TEX9: variants seen among roughly 807,000 people sequenced by gnomAD.
TEX9 encodes testis-expressed protein 9.
A neutral mutation model predicts 59.6 loss-of-function variants in TEX9; 74 were observed. The ratio of observed to expected loss-of-function variants is 1.24; its 90% CI spans 1.03 to 1.51. TEX9 has a LOEUF of 1.51. TEX9 is among the 40% of genes most tolerant of loss of function. The pLI is 0.00. For synonymous variants in TEX9, 186 were observed against 152.2 expected, an observed-to-expected ratio of 1.22 and a Z score of -1.64; for missense variants, 522 against 447.8, an observed-to-expected ratio of 1.17 and a Z score of -1.49.
At chr15:56,391,020 T>TGTAATATG (rs2048184222) in intron 6 of TEX9, among the ~76,000 whole-genome samples, 1 of 152,094 alleles carries the variant, frequency 6.6e-6, no homozygotes, top group East Asian at 1.9e-4. Context: ...AATATAGTCC[T>TGTAATATG]TGAAAGTATC....
chr15:56,343,267 C>G (rs1044648511), intron 1 of TEX9, among the ~76,000 whole-genome samples: 4 of 151,912 alleles, frequency 2.6e-5, no homozygotes, highest in Non-Finnish European at 5.9e-5. Context: ...AAATTGTTAG[C>G]CTTAAATATA....
the TEX9 span, chr15:56,456,491 G>T: frequency 6.2e-7 from 1 of 1,611,172 alleles, no homozygotes; most frequent in African/African-American, 1.3e-5. Context: ...TGTTTGAGCT[G>T]GAGTTCTTTC....
intron 6 of TEX9, among the ~76,000 whole-genome samples, chr15:56,390,972 A>T (rs1190418145): frequency 1.3e-5 from 2 of 152,108 alleles, no homozygotes; most frequent in African/African-American, 2.4e-5. Context: ...CTGTGGTCAC[A>T]TGATTCATAA....
At chr15:56,402,953 T>G (rs946233773) in intron 9 of TEX9, among the ~76,000 whole-genome samples, 1 of 152,112 alleles carries the variant, frequency 6.6e-6, no homozygotes, top group Non-Finnish European at 1.5e-5. Context: ...GCTAAAAACT[T>G]TCAATAAACT....
At chr15:56,367,672 T>A (rs1264581595) in intron 2 of TEX9, among the ~76,000 whole-genome samples, 1 of 152,238 alleles carries the variant, frequency 6.6e-6, no homozygotes, top group Non-Finnish European at 1.5e-5. Context: ...TTTATGCTAT[T>A]GAATTTTCCA....
At chr15:56,261,102 A>G (rs2044254833) in intron 1 of TEX9, among the ~76,000 whole-genome samples, 2 of 151,768 alleles carry the variant, frequency 1.3e-5, no homozygotes, top group Admixed American at 1.3e-4. Context: ...GATATTAGTA[A>G]TTTATACTTT....
intron 1 of TEX9, among the ~76,000 whole-genome samples, chr15:56,324,257 A>G (rs564837968): frequency 1.8e-4 from 28 of 152,320 alleles, no homozygotes; most frequent in Admixed American, 3.9e-4. Flanking sequence ...TCCGTTAAAA[A>G]AAAAGAAACA....
At chr15:56,292,435 G>C (rs1222754170) in intron 1 of TEX9, among the ~76,000 whole-genome samples, 1 of 152,100 alleles carries the variant, frequency 6.6e-6, no homozygotes, top group Non-Finnish European at 1.5e-5. Flanking sequence ...GATCCCCTAG[G>C]ACATCTCTGA....
intron 1 of TEX9, among the ~76,000 whole-genome samples, chr15:56,327,491 C>T (rs2046043836): frequency 6.6e-6 from 1 of 151,904 alleles, no homozygotes; most frequent in African/African-American, 2.4e-5. Context: ...CACAGGAACA[C>T]CAAATGTAAC....
intron 2 of TEX9, among the ~76,000 whole-genome samples, chr15:56,372,031 C>G (rs1049938439): frequency 1.3e-5 from 2 of 152,156 alleles, no homozygotes; most frequent in South Asian, 2.1e-4. Context: ...GGGCATTTCC[C>G]TTGCCTGAGT....
exon 10 of TEX9, chr15:56,412,382 A>G (rs1421216660): frequency 6.2e-7 from 1 of 1,613,246 alleles, no homozygotes; most frequent in East Asian, 2.2e-5. Context: ...ATAGAGCTCT[A>G]GAAGAAGCAG....
chr15:56,366,548 G>T (rs2046954073), intron 2 of TEX9, among the ~76,000 whole-genome samples: 1 of 152,014 alleles, frequency 6.6e-6, no homozygotes. Flanking sequence ...TTTCTAATTA[G>T]CATAATTTGT....
At chr15:56,380,471 A>G (rs762118968) in intron 3 of TEX9, among the ~76,000 whole-genome samples, 10 of 152,090 alleles carry the variant, frequency 6.6e-5, no homozygotes, top group Non-Finnish European at 1.0e-4. Flanking sequence ...GTGTTATAAT[A>G]TTCTGTGTTT....
intron 1 of TEX9, among the ~76,000 whole-genome samples, chr15:56,341,173 C>G (rs1459722927): frequency 6.6e-6 from 1 of 152,106 alleles, no homozygotes; most frequent in Admixed American, 6.6e-5. Flanking sequence ...TTATACCTGG[C>G]TTTGAATTGA....
intron 1 of TEX9, among the ~76,000 whole-genome samples, chr15:56,269,154 C>T (rs549094763): frequency 6.6e-5 from 10 of 152,070 alleles, no homozygotes; most frequent in South Asian, 2.1e-4. Context: ...GTATTCCTGT[C>T]GGATCCGTGG....
At chr15:56,303,113 G>C (rs571990483) in intron 1 of TEX9, among the ~76,000 whole-genome samples, 1 of 152,250 alleles carries the variant, frequency 6.6e-6, no homozygotes, top group South Asian at 2.1e-4. Context: ...ATAATAGTTG[G>C]GGACTTCAAC....
chr15:56,295,241 A>G (rs1223483837), intron 1 of TEX9, among the ~76,000 whole-genome samples: 1 of 152,186 alleles, frequency 6.6e-6, no homozygotes, highest in Non-Finnish European at 1.5e-5. Flanking sequence ...AGCAATAAGT[A>G]TAAACACCTT....
chr15:56,264,677 A>C (rs1417117036), intron 1 of TEX9, among the ~76,000 whole-genome samples: 1 of 152,192 alleles, frequency 6.6e-6, no homozygotes, highest in Non-Finnish European at 1.5e-5. Flanking sequence ...GACATGTGTG[A>C]CCTAATGTCA....
chr15:56,446,646 G>C (rs878942639), downstream of TEX9, among the ~76,000 whole-genome samples: 1 of 152,008 alleles, frequency 6.6e-6, no homozygotes, highest in African/African-American at 2.4e-5. Context: ...AAGCAGCAAT[G>C]TGTTTCTGAA....
Sources: allele counts gnomAD v4.1 joint callset (sites outside exome capture counted in the v4.1 genomes callset), GRCh38; gene constraint gnomAD v4.1.1; transcripts MANE v1.5; gene names NCBI Gene and HGNC (gene_info 2026-07-23, HGNC 2026-07-21).